Variants in PECR observed in about 807,000 individuals in gnomAD.
The protein encoded by PECR is peroxisomal trans-2-enoyl-CoA reductase, also known as 2,4-dienoyl-CoA reductase-related protein.
Under a neutral mutation model 35.3 loss-of-function variants are expected in PECR, and 30 were observed. The observed-to-expected ratio is 0.85, with a 90% CI of 0.64 to 1.15. PECR has a LOEUF of 1.15. PECR is among the 50% of genes most tolerant of loss of function. PECR has a pLI of 0.00. For synonymous variants in PECR, 148 were observed against 138.9 expected (o/e 1.07, Z -0.46); for missense variants, 392 against 370.8 (o/e 1.06, Z -0.47).
At chr2:216,048,740 T>A (rs1346213243) in intron 6 of PECR, among the ~76,000 whole-genome samples, 2 of 148,984 alleles carry the variant, frequency 1.3e-5, no homozygotes, top group East Asian at 4.0e-4. Flanking sequence ...GTCATCATCA[T>A]CATCCCAGCA....
At chr2:216,063,604 C>A (rs538863712) in intron 3 of PECR, among the ~76,000 whole-genome samples, 3 of 151,102 alleles carry the variant, frequency 2.0e-5, no homozygotes, top group Non-Finnish European at 4.4e-5. Flanking sequence ...TGTGACAGAG[C>A]GAGACTCTGT....
chr2:216,048,164 T>C (rs1378851737), intron 6 of PECR, among the ~76,000 whole-genome samples: 2 of 151,958 alleles, frequency 1.3e-5, no homozygotes, highest in Non-Finnish European at 2.9e-5. Flanking sequence ...AAGCTCCGCC[T>C]CCCGGGTTCA....
chr2:216,061,965 T>G (rs1250140244), intron 3 of PECR, among the ~76,000 whole-genome samples: 3 of 147,936 alleles, frequency 2.0e-5, no homozygotes, highest in African/African-American at 5.2e-5. Context: ...CGAGTGTGTG[T>G]GAGTATGTGT....
At chr2:216,076,990 C>A (rs1695714890) in intron 1 of PECR, among the ~76,000 whole-genome samples, 1 of 133,646 alleles carries the variant, frequency 7.5e-6, no homozygotes, top group East Asian at 2.8e-4. Context: ...CAACCTCTGC[C>A]TCCCGGGTTC....
intron 1 of PECR, among the ~76,000 whole-genome samples, chr2:216,076,129 T>G (rs1416395146): frequency 6.6e-6 from 1 of 152,172 alleles, no homozygotes; most frequent in Non-Finnish European, 1.5e-5. Context: ...CAAAATCCTG[T>G]GGAAGTGAAA....
At chr2:216,058,559 C>T (rs1321071014) in intron 4 of PECR, among the ~76,000 whole-genome samples, 1 of 152,068 alleles carries the variant, frequency 6.6e-6, no homozygotes, top group Non-Finnish European at 1.5e-5. Flanking sequence ...TATACTTTAA[C>T]AAATAAGCTA....
chr2:216,060,918 A>T (rs1012662304), intron 3 of PECR, among the ~76,000 whole-genome samples: 1 of 151,160 alleles, frequency 6.6e-6, no homozygotes, highest in Non-Finnish European at 1.5e-5. Context: ...AAAGAATGCC[A>T]ATTAATAAAT....
intron 1 of PECR, among the ~76,000 whole-genome samples, chr2:216,081,234 CACT>C (rs1248182206): frequency 7.0e-6 from 1 of 142,014 alleles, no homozygotes; most frequent in Non-Finnish European, 1.6e-5. Context: ...ATGAGAGACT[CACT>C]ATGTTCACAA....
intron 1 of PECR, among the ~76,000 whole-genome samples, chr2:216,071,200 G>A (rs963403477): frequency 4.6e-5 from 7 of 152,148 alleles, no homozygotes; most frequent in South Asian, 2.1e-4. Context: ...CTGCAAAAAC[G>A]CAAGCGTACC....
At chr2:216,053,148 C>T (rs1213686082) in intron 4 of PECR, among the ~76,000 whole-genome samples, 2 of 152,088 alleles carry the variant, frequency 1.3e-5, no homozygotes, top group African/African-American at 4.8e-5. Context: ...TCCAGCACAC[C>T]CAGCCTCAAC....
chr2:216,053,583 G>A (rs1171270907), intron 4 of PECR, among the ~76,000 whole-genome samples: 2 of 151,994 alleles, frequency 1.3e-5, no homozygotes, highest in East Asian at 3.9e-4. Flanking sequence ...TATACTACCT[G>A]GTTTAGCATC....
chr2:216,043,617 T>C (rs947977005), intron 7 of PECR, among the ~76,000 whole-genome samples: 6 of 152,134 alleles, frequency 3.9e-5, no homozygotes, highest in Non-Finnish European at 8.8e-5. Context: ...CTTGCCTCTT[T>C]TCTGTCTCCT....
intron 1 of PECR, among the ~76,000 whole-genome samples, chr2:216,079,720 G>A (rs1362236915): frequency 4.0e-5 from 6 of 148,308 alleles, no homozygotes; most frequent in Admixed American, 6.7e-5. Context: ...GGTGGCTTAC[G>A]CCTGTAATCC....
intron 7 of PECR, among the ~76,000 whole-genome samples, chr2:216,031,685 A>G (rs1405649412): frequency 1.8e-5 from 1 of 54,102 alleles, no homozygotes; most frequent in African/African-American, 7.2e-5. Context: ...GAAAGAAAGA[A>G]AGAAAGAGAA....
downstream of PECR, among the ~76,000 whole-genome samples, chr2:216,036,784 T>C (rs1201732068): frequency 1.3e-5 from 2 of 152,188 alleles, no homozygotes; most frequent in Non-Finnish European, 2.9e-5. Context: ...ATAAGTGTCA[T>C]GCAAATCTCA....
At chr2:216,062,347 T>C (rs934943755) in intron 3 of PECR, among the ~76,000 whole-genome samples, 3 of 152,178 alleles carry the variant, frequency 2.0e-5, no homozygotes, top group Non-Finnish European at 4.4e-5. Context: ...CGCCTGGCAA[T>C]GCTTCATGAA....
chr2:216,081,452 C>T (rs1695847537), intron 1 of PECR, among the ~76,000 whole-genome samples, 166 bp downstream of exon 1: 1 of 152,206 alleles, frequency 6.6e-6, no homozygotes, highest in Non-Finnish European at 1.5e-5. Context: ...TTAGGAAGAG[C>T]TGCTCTCTTC....
At chr2:216,050,010 G>A (rs1217792507) in intron 5 of PECR, among the ~76,000 whole-genome samples, 3 of 152,136 alleles carry the variant, frequency 2.0e-5, no homozygotes, top group Non-Finnish European at 4.4e-5. Flanking sequence ...GTGAGCCTAG[G>A]AGTTTGAGAC....
chr2:216,076,524 G>A (rs566790555), intron 1 of PECR, among the ~76,000 whole-genome samples: 13 of 152,284 alleles, frequency 8.5e-5, no homozygotes, highest in Non-Finnish European at 1.6e-4. Context: ...ATTGTTCCTG[G>A]TGCAGTGGCT....
Sources: gnomAD v4.1 joint callset for allele counts (sites outside exome capture counted in the v4.1 genomes callset) on GRCh38, gnomAD v4.1.1 for gene constraint, MANE v1.5 for transcripts, NCBI Gene and HGNC (gene_info 2026-07-23, HGNC 2026-07-21) for gene names.